Variants in TRIP12 observed in about 807,000 individuals in gnomAD.
The protein encoded by TRIP12 is E3 ubiquitin-protein ligase TRIP12.
TRIP12 carries 25 observed loss-of-function variants against 244.2 expected under a neutral mutation model. That is an observed-to-expected ratio of 0.10 (90% CI 0.07 to 0.14). The LOEUF (loss-of-function observed/expected upper bound fraction) is 0.14, where lower values mean the gene tolerates loss of function less well. Among genes scored for constraint, TRIP12 ranks in the 10% least tolerant of loss-of-function variants. TRIP12 has a pLI of 1.00. For missense variants in TRIP12, 1,677 were observed against 2,486.4 expected (o/e 0.67, Z 6.92); for synonymous variants, 905 against 873.1 (o/e 1.04, Z -0.64).
intron 2 of TRIP12, among the ~76,000 whole-genome samples, chr2:229,872,650 AAAAG>A (rs1560024281): frequency 2.0e-5 from 3 of 152,224 alleles, no homozygotes; most frequent in African/African-American, 7.2e-5. Context: ...TCTATCCTTA[AAAAG>A]AAAGAAATGA....
intron 2 of TRIP12, among the ~76,000 whole-genome samples, chr2:229,872,103 G>GAA (rs1202088343): frequency 5.7e-4 from 18 of 31,828 alleles, no homozygotes; most frequent in East Asian, 3.7e-3. Flanking sequence ...GACAGATATT[G>GAA]TAAAAAAAAA....
intron 8 of TRIP12, among the ~76,000 whole-genome samples, chr2:229,819,596 T>C (rs2049472016): frequency 6.6e-6 from 1 of 152,214 alleles, no homozygotes; most frequent in Non-Finnish European, 1.5e-5. Context: ...TGTTTCATTT[T>C]TCATGGACAC....
At chr2:229,860,152 T>C (rs1224094279) in intron 3 of TRIP12, among the ~76,000 whole-genome samples, 1 of 152,118 alleles carries the variant, frequency 6.6e-6, no homozygotes, top group Non-Finnish European at 1.5e-5. Flanking sequence ...ATGGCCATAA[T>C]GGTTTGTTAA....
chr2:229,906,676 C>T (rs2154374091), intron 1 of TRIP12, among the ~76,000 whole-genome samples: 1 of 147,566 alleles, frequency 6.8e-6, no homozygotes, highest in Non-Finnish European at 1.5e-5. Flanking sequence ...GCTAAGATCA[C>T]ACCACTGCAC....
intron 4 of TRIP12, among the ~76,000 whole-genome samples, chr2:229,842,433 T>A (rs1469699016): frequency 6.6e-6 from 1 of 152,202 alleles, no homozygotes; most frequent in Non-Finnish European, 1.5e-5. Context: ...ATTTTAAAAA[T>A]TCATAAATTA....
intron 9 of TRIP12, among the ~76,000 whole-genome samples, chr2:229,816,968 A>C (rs1258995544): frequency 6.6e-6 from 1 of 152,234 alleles, no homozygotes; most frequent in Admixed American, 6.5e-5. Flanking sequence ...TACAACTTTG[A>C]CTAGAATGGA....
intron 29 of TRIP12, 94 bp downstream of exon 29, chr2:229,791,772 T>C: frequency 7.2e-7 from 1 of 1,382,892 alleles, no homozygotes; most frequent in Non-Finnish European, 1.0e-6. Flanking sequence ...CCCCTATCCT[T>C]ATGAAAGCCA....
intron 33 of TRIP12, among the ~76,000 whole-genome samples, chr2:229,786,399 T>A: frequency 7.1e-6 from 1 of 140,812 alleles, no homozygotes; most frequent in African/African-American, 2.9e-5. Flanking sequence ...AGGATGACTT[T>A]TTTTTTTTTT....
At chr2:229,828,373 C>T (rs1442681031) in intron 8 of TRIP12, among the ~76,000 whole-genome samples, 1 of 151,262 alleles carries the variant, frequency 6.6e-6, no homozygotes, top group Non-Finnish European at 1.5e-5. Flanking sequence ...CAGGCTTCTC[C>T]CCAGTGATAA....
intron 38 of TRIP12, among the ~76,000 whole-genome samples, chr2:229,772,281 T>C (rs928833841): frequency 6.6e-6 from 1 of 152,252 alleles, no homozygotes; most frequent in African/African-American, 2.4e-5. Flanking sequence ...TAGAAAATTA[T>C]AAGCATTAGT....
Position 229,777,330 on chromosome 2 carries a change from T to C in TRIP12, c.5514A>G (p.Glu1838=). The C allele has an allele frequency of 1.9e-6, 3 of 1,613,244 alleles. No homozygotes were observed. Among genetic ancestry groups the C allele is most frequent in the Non-Finnish European group, 2.5e-6 (3 of 1,179,344 alleles). Residue 1838 remains glutamate (E), a synonymous_variant, in exon 37 of 42, where the codon GAA becomes GAG. Coordinates refer to ENST00000675903, the MANE Select transcript of TRIP12 (RefSeq NM_001348323.3). ...EDIVRQKKRL[E]QDKSQTKESL... ...CTAAGCCTACCTGGGATTTATCTTG[T>C]TCAAGTCTTTTCTTCTGTCTGACAA...
chr2:229,823,892 G>A (rs2050779386), intron 8 of TRIP12, among the ~76,000 whole-genome samples: 1 of 151,740 alleles, frequency 6.6e-6, no homozygotes. Context: ...ATTATTAATA[G>A]TCTGACACTA....
intron 21 of TRIP12, among the ~76,000 whole-genome samples, chr2:229,801,809 A>AT (rs1231241449): frequency 6.6e-6 from 1 of 152,184 alleles, no homozygotes; most frequent in Admixed American, 6.5e-5. Context: ...GGGAATCAGT[A>AT]TTTTTTGGCC....
chr2:229,822,187 G>A (rs1297278033), intron 8 of TRIP12, among the ~76,000 whole-genome samples: 1 of 152,144 alleles, frequency 6.6e-6, no homozygotes, highest in Admixed American at 6.5e-5. Flanking sequence ...GGGAGAGTAA[G>A]AAGTTTTGAT....
chr2:229,773,025 T>A (rs995928760), intron 38 of TRIP12, among the ~76,000 whole-genome samples: 3 of 152,104 alleles, frequency 2.0e-5, no homozygotes, highest in Non-Finnish European at 4.4e-5. Flanking sequence ...CAATATAAAA[T>A]TATTTTCCTG....
chr2:229,803,791 C>A (rs2045104518), intron 19 of TRIP12, 102 bp from the exon 20 acceptor site: 2 of 936,332 alleles, frequency 2.1e-6, no homozygotes, highest in Admixed American at 2.5e-5. Flanking sequence ...CATTGTGAAA[C>A]CATTCTATTA....
chr2:229,870,061 C>T (rs1373500152), intron 2 of TRIP12, among the ~76,000 whole-genome samples: 1 of 152,144 alleles, frequency 6.6e-6, no homozygotes, highest in African/African-American at 2.4e-5. Flanking sequence ...ACGTCGATTC[C>T]CCTAGCTTTC....
At chr2:229,774,067 G>A (rs1440882088) in intron 38 of TRIP12, 30 bp downstream of exon 38, 2 of 1,602,470 alleles carry the variant, frequency 1.2e-6, no homozygotes, top group Non-Finnish European at 1.7e-6. Context: ...CTTCACAACT[G>A]GCCTACCCCC....
chr2:229,824,038 G>A (rs562944952), intron 8 of TRIP12, among the ~76,000 whole-genome samples: 8 of 152,232 alleles, frequency 5.3e-5, no homozygotes, highest in East Asian at 3.9e-4. Flanking sequence ...TCTAAGTAAC[G>A]TCCTATCAAG....
Sources: gnomAD v4.1 joint callset for allele counts (sites outside exome capture counted in the v4.1 genomes callset) on GRCh38, gnomAD v4.1.1 for gene constraint, MANE v1.5 for transcripts, NCBI Gene and HGNC (gene_info 2026-07-23, HGNC 2026-07-21) for gene names.